Variants in NPAS3 observed in about 807,000 individuals in gnomAD.
NPAS3 encodes neuronal PAS domain-containing protein 3.
NPAS3 carries 14 observed loss-of-function variants against 73.1 expected under a neutral mutation model. The observed-to-expected ratio is 0.19, with a 90% CI of 0.13 to 0.30. The LOEUF is 0.30. NPAS3 is among the 10% of genes least tolerant of loss of function. The probability of loss-of-function intolerance (pLI) is 1.00; values close to 1 mark genes in which losing one functional copy is unlikely to be tolerated. For missense variants in NPAS3, 1,096 were observed against 1,250.0 expected (o/e 0.88, Z 1.86); for synonymous variants, 620 against 541.5 (o/e 1.14, Z -2.01).
intron 3 of NPAS3, among the ~76,000 whole-genome samples, chr14:33,347,660 A>T (rs2044808645): frequency 6.6e-6 from 1 of 152,210 alleles, no homozygotes; most frequent in South Asian, 2.1e-4. Flanking sequence ...CCCCACAGAT[A>T]ACAAAATCCT....
intron 1 of NPAS3, among the ~76,000 whole-genome samples, chr14:32,967,185 A>G (rs2037210796): frequency 6.6e-6 from 1 of 152,184 alleles, no homozygotes; most frequent in Non-Finnish European, 1.5e-5. Context: ...TGAAAAGATG[A>G]TAATGACCTT....
At chr14:33,712,413 C>T (rs2140500817) in intron 6 of NPAS3, among the ~76,000 whole-genome samples, 1 of 152,316 alleles carries the variant, frequency 6.6e-6, no homozygotes, top group Middle Eastern at 3.4e-3. Flanking sequence ...TGCAAACAGG[C>T]TTCATACCCT....
chr14:33,480,530 T>TCCCCG (rs1392250234), intron 4 of NPAS3, among the ~76,000 whole-genome samples: 1 of 14,760 alleles, frequency 6.8e-5, no homozygotes, highest in African/African-American at 3.4e-4. Flanking sequence ...ACTCTCCCCC[T>TCCCCG]CCCCGCCCCG....
At chr14:33,197,846 C>A (rs1327324895) in intron 2 of NPAS3, among the ~76,000 whole-genome samples, 2 of 152,348 alleles carry the variant, frequency 1.3e-5, no homozygotes, top group East Asian at 1.9e-4. Flanking sequence ...TTGGTGGATT[C>A]TTGGTCTCAC....
chr14:33,245,255 T>C (rs1023093101), intron 3 of NPAS3, among the ~76,000 whole-genome samples: 1 of 152,202 alleles, frequency 6.6e-6, no homozygotes, highest in Non-Finnish European at 1.5e-5. Flanking sequence ...ATCAACCTCA[T>C]TGGAGAATAA....
At chr14:33,116,436 G>A (rs151325345) in intron 2 of NPAS3, among the ~76,000 whole-genome samples, 353 of 152,158 alleles carry the variant, frequency 2.3e-3, no homozygotes, top group African/African-American at 7.1e-3. Context: ...AAATATAGAT[G>A]TATGTATATA....
At chr14:33,692,522 A>G (rs2060261190) in intron 6 of NPAS3, among the ~76,000 whole-genome samples, 1 of 152,150 alleles carries the variant, frequency 6.6e-6, no homozygotes, top group Non-Finnish European at 1.5e-5. Flanking sequence ...AGGGCACTAT[A>G]AAAGTAGGAT....
chr14:33,492,745 G>C (rs1053110575), intron 4 of NPAS3, among the ~76,000 whole-genome samples: 10 of 152,290 alleles, frequency 6.6e-5, no homozygotes, highest in African/African-American at 2.2e-4. Flanking sequence ...CCTCCCAGAG[G>C]ATTGCTTACA....
chr14:33,652,464 G>A (rs2059022424), intron 5 of NPAS3, among the ~76,000 whole-genome samples: 1 of 152,272 alleles, frequency 6.6e-6, no homozygotes, highest in East Asian at 1.9e-4. Flanking sequence ...TCTGGGCACC[G>A]ACAGAAATTT....
At chr14:33,478,493 T>G (rs893401639) in intron 4 of NPAS3, among the ~76,000 whole-genome samples, 12 of 151,952 alleles carry the variant, frequency 7.9e-5, no homozygotes, top group African/African-American at 2.9e-4. Flanking sequence ...TCCCAAGGAG[T>G]CTGATTACAA....
intron 3 of NPAS3, among the ~76,000 whole-genome samples, chr14:33,299,285 T>A (rs2042428756): frequency 6.6e-6 from 1 of 152,198 alleles, no homozygotes; most frequent in Non-Finnish European, 1.5e-5. Flanking sequence ...TCCATGGGAA[T>A]GGGTTTGCGA....
intron 2 of NPAS3, among the ~76,000 whole-genome samples, chr14:33,072,122 C>G (rs370540170): frequency 1.4e-4 from 22 of 152,300 alleles, no homozygotes; most frequent in African/African-American, 5.3e-4. Flanking sequence ...AACTCCTGAT[C>G]TCAGGTGATC....
chr14:33,300,403 T>A (rs1189637556), intron 3 of NPAS3, among the ~76,000 whole-genome samples: 1 of 152,218 alleles, frequency 6.6e-6, no homozygotes, highest in East Asian at 1.9e-4. Context: ...CCACGTAACA[T>A]TGGCCTAGCT....
In NPAS3 at chr14:33,359,420, A is replaced by G. The variant is rs1002901323; in HGVS notation, c.386-7766A>G. Among the ~76,000 whole-genome samples the G allele has an allele frequency of 2.0e-5, 3 of 152,184 alleles. No homozygotes were observed. The East Asian group carries it at 5.8e-4, about 29-fold the overall frequency. On this transcript the variant is annotated intron_variant, in intron 3 of 11. Coordinates refer to ENST00000356141, the Ensembl canonical transcript of NPAS3. ...TAAAAAATCAAGATACCAGATGTGG[A>G]CGTCTTCCTTTTACCAGCAACTGCA...
At chr14:33,127,091 GA>G (rs35090984) in intron 2 of NPAS3, among the ~76,000 whole-genome samples, 2,935 of 145,746 alleles carry the variant, frequency 0.02, 48 homozygotes, top group Middle Eastern at 0.045. Flanking sequence ...CCCTGCTTTT[GA>G]AAAAAAAAAA....
At chr14:32,997,753 T>A (rs1390197180) in intron 1 of NPAS3, among the ~76,000 whole-genome samples, 1 of 138,850 alleles carries the variant, frequency 7.2e-6, no homozygotes, top group African/African-American at 2.9e-5. Context: ...TGAAACCCCG[T>A]CTCTACTAAA....
At chr14:33,384,218 A>G (rs1328991150) in intron 4 of NPAS3, among the ~76,000 whole-genome samples, 3 of 152,200 alleles carry the variant, frequency 2.0e-5, no homozygotes, top group African/African-American at 7.2e-5. Context: ...TTTATTTTAA[A>G]ATGAAGGCAA....
intron 4 of NPAS3, among the ~76,000 whole-genome samples, chr14:33,412,165 C>T (rs967185547): frequency 2.0e-5 from 3 of 152,126 alleles, no homozygotes; most frequent in African/African-American, 4.8e-5. Context: ...GTCCCCCAGG[C>T]TGGAATGCAG....
chr14:33,143,608 A>G (rs368418291), intron 2 of NPAS3, among the ~76,000 whole-genome samples: 44 of 152,360 alleles, frequency 2.9e-4, no homozygotes, highest in South Asian at 2.5e-3. Flanking sequence ...ACAGTGAACA[A>G]TTTAGTGGCA....
Sources: allele counts gnomAD v4.1 joint callset (sites outside exome capture counted in the v4.1 genomes callset), GRCh38; gene constraint gnomAD v4.1.1; transcripts MANE v1.5; gene names NCBI Gene and HGNC (gene_info 2026-07-23, HGNC 2026-07-21).